Variants in TGM6 observed in about 807,000 individuals in gnomAD.
TGM6 encodes the protein protein-glutamine gamma-glutamyltransferase 6.
Under a neutral mutation model 77.5 loss-of-function variants are expected in TGM6, and 74 were observed. That is an observed-to-expected ratio of 0.96 (90% CI 0.79 to 1.16). The LOEUF is 1.16. TGM6 is among the 50% of genes most tolerant of loss of function. The probability of loss-of-function intolerance (pLI) is 0.00; values close to 1 mark genes in which losing one functional copy is unlikely to be tolerated. For missense variants in TGM6, 968 were observed against 940.2 expected (o/e 1.03, Z -0.39); for synonymous variants, 383 against 378.9 (o/e 1.01, Z -0.12).
chr20:2,400,330 C>A lies in TGM6; in HGVS notation c.875C>A (p.Thr292Lys). 1 of 1,614,220 alleles carries A rather than the reference C, an allele frequency of 6.2e-7. No individual in the cohort carries two copies. The highest frequency in any genetic ancestry group is 8.5e-7 in the Non-Finnish European group (1 of 1,180,046). ...CTVLRCLGIATRVVSNFNSAH... is the reference protein window; with the variant it reads ...CTVLRCLGIAKRVVSNFNSAH... ...GTCCTCAGGTGCTTGGGGATAGCCA[C>A]ACGGGTCGTGTCCAACTTCAACTCA... Residue 292 changes from threonine (T) to lysine (K), a missense_variant, in exon 7 of 13, where the codon ACA becomes AAA. Thr to Lys is a moderately conservative substitution (Grantham distance 78). Coordinates refer to ENST00000202625, the MANE Select transcript of TGM6 (RefSeq NM_198994.3).
intron 5 of TGM6, among the ~76,000 whole-genome samples, chr20:2,398,900 G>A (rs1054180118): frequency 4.6e-5 from 7 of 152,100 alleles, no homozygotes; most frequent in Non-Finnish European, 8.8e-5. Context: ...ATTGCACAAA[G>A]CTATATTTCT....
chr20:2,413,156 A>G (rs2084794802), intron 9 of TGM6, among the ~76,000 whole-genome samples: 1 of 152,224 alleles, frequency 6.6e-6, no homozygotes, highest in Non-Finnish European at 1.5e-5. Context: ...TATGTCTGTG[A>G]TCCCAGCACT....
At chr20:2,427,333 C>A (rs2084894500) in intron 10 of TGM6, among the ~76,000 whole-genome samples, 1 of 152,104 alleles carries the variant, frequency 6.6e-6, no homozygotes, top group Non-Finnish European at 1.5e-5. Context: ...CCTAACTCCC[C>A]AAACTTGTTA....
intron 10 of TGM6, 121 bp from the exon 11 acceptor site, chr20:2,430,325 C>G (rs2084915863): frequency 7.4e-7 from 1 of 1,343,794 alleles, no homozygotes. Flanking sequence ...TAAAGCCTGT[C>G]TCAGAATGGT....
intron 5 of TGM6, 103 bp downstream of exon 5, chr20:2,398,149 C>A: frequency 6.3e-7 from 1 of 1,592,096 alleles, no homozygotes; most frequent in Admixed American, 1.7e-5. Context: ...TGTTTTAATT[C>A]GCTGTTGTTG....
chr20:2,398,358 G>A (rs2084683261), intron 5 of TGM6, among the ~76,000 whole-genome samples: 1 of 152,178 alleles, frequency 6.6e-6, no homozygotes, highest in Admixed American at 6.5e-5. Context: ...GGTTCTGGTG[G>A]TTGGCAGTTC....
chr20:2,416,919 C>T (rs1327635008), intron 9 of TGM6, among the ~76,000 whole-genome samples: 1 of 152,030 alleles, frequency 6.6e-6, no homozygotes, highest in Non-Finnish European at 1.5e-5. Flanking sequence ...GATGATAATA[C>T]CTCTGTAGTA....
chr20:2,422,348 C>G (rs2084862202), intron 10 of TGM6, among the ~76,000 whole-genome samples: 1 of 152,116 alleles, frequency 6.6e-6, no homozygotes, highest in African/African-American at 2.4e-5. Flanking sequence ...ATTGTATTTC[C>G]TTTGCTACTT....
Position 2,397,995 on chromosome 20 carries a change from C to T in TGM6, c.621C>T (p.Asp207=), listed in dbSNP as rs148696208. 39 of 1,614,158 alleles carry T rather than the reference C, an allele frequency of 2.4e-5. No individual in the cohort carries two copies. The highest frequency in any genetic ancestry group is 2.8e-5 in the Non-Finnish European group (33 of 1,180,032). ...SPGHQNNPAT[D]VSCRHNPIYV... The stretch of plus-strand genomic sequence containing the variant: ...GTCACCAAAACAACCCAGCCACCGA[C>T]GTGTCCTGCCGCCACAACCCCATCT... The change falls in exon 5 of 13, where the codon GAC becomes GAT. Residue 207 remains aspartate (D), a synonymous_variant. Coordinates refer to ENST00000202625, the MANE Select transcript of TGM6 (RefSeq NM_198994.3).
chr20:2,398,570 C>T (rs2084684883), intron 5 of TGM6, among the ~76,000 whole-genome samples: 1 of 152,172 alleles, frequency 6.6e-6, no homozygotes, highest in African/African-American at 2.4e-5. Flanking sequence ...TCCCCACCCC[C>T]ACCTCCCTGC....
intron 1 of TGM6, among the ~76,000 whole-genome samples, chr20:2,392,714 C>A (rs2084636966): frequency 6.6e-6 from 1 of 152,160 alleles, no homozygotes; most frequent in Non-Finnish European, 1.5e-5. Context: ...GAGTTTGGGG[C>A]AACATGGCGA....
intron 9 of TGM6, among the ~76,000 whole-genome samples, chr20:2,408,395 C>T (rs559018379): frequency 6.6e-6 from 1 of 152,284 alleles, no homozygotes; most frequent in African/African-American, 2.4e-5. Flanking sequence ...GGCCAGGGGT[C>T]TCAGCACCCT....
chr20:2,406,831 CAAAAA>C (rs3050731), intron 9 of TGM6, among the ~76,000 whole-genome samples: 1,393 of 63,682 alleles, frequency 0.022, 22 homozygotes, highest in Non-Finnish European at 0.033. Context: ...CGAAACTCCT[CAAAAA>C]AAAAAAAAAA....
chr20:2,412,223 G>A (rs1429958651), intron 9 of TGM6, among the ~76,000 whole-genome samples: 3 of 152,296 alleles, frequency 2.0e-5, no homozygotes, highest in Non-Finnish European at 2.9e-5. Context: ...AGTGAAATAA[G>A]CCAGACATAA....
intron 12 of TGM6, 100 bp downstream of exon 12, chr20:2,431,127 G>A (rs1475632111): frequency 6.6e-7 from 1 of 1,506,624 alleles, no homozygotes; most frequent in African/African-American, 1.4e-5. Context: ...AGAGATTCTG[G>A]ACACCCCAGG....
Position 2,394,597 on chromosome 20 carries a change from G to A in TGM6, c.153G>A (p.Glu51=), listed in dbSNP as rs2122345678. ...AGCTGAGCAGAGCCCTGGACTGTGA[G>A]GAGATCCTCATCTTCACGATGGAGA... is the stretch of plus-strand genomic sequence containing the variant. ...TLELSRALDC[E]EILIFTMETG... is the part of the protein sequence containing the mutation. Residue 51 remains glutamate, a synonymous_variant, in exon 2 of 13, where the codon GAG becomes GAA. Transcript: ENST00000202625. The A allele has an allele frequency of 6.2e-7, 1 of 1,612,032 alleles. No homozygotes were observed. Among genetic ancestry groups the A allele is most frequent in the Non-Finnish European group, 8.5e-7 (1 of 1,179,620 alleles).
chr20:2,408,856 C>T (rs947007335), intron 9 of TGM6, among the ~76,000 whole-genome samples: 2 of 151,780 alleles, frequency 1.3e-5, no homozygotes, highest in African/African-American at 2.4e-5. Context: ...TAAAAGTAAA[C>T]AAATAAGTAA....
At position 2,397,923 on chromosome 20, in the gene TGM6, G is replaced by A. The variant is rs778386575; in HGVS notation, c.549G>A (p.Glu183=). ...RAQGWNYGQF[E]EDILNICLSI... ...ACAGCCTCTCTGGGGAGCAGTTTGA[G>A]GAGGACATCCTGAACATCTGCCTCT... is the stretch of plus-strand genomic sequence containing the variant. The change falls in exon 5 of 13, where the codon GAG becomes GAA. Residue 183 remains glutamate (E), a synonymous_variant. Coordinates refer to ENST00000202625, the MANE Select transcript of TGM6 (RefSeq NM_198994.3). 1.9e-6 allele frequency: 3 copies of A among 1,613,982 alleles called. No individual in the cohort carries two copies. The South Asian group carries it at 3.3e-5, about 18-fold the overall frequency.
At position 2,430,697 on chromosome 20, in the gene TGM6, C is replaced by G. The variant is rs567962456; in HGVS notation, c.1833+97C>G. 9.0e-4 allele frequency: 1,445 copies of G among 1,601,622 alleles called. 8 individuals are homozygous for G. Among genetic ancestry groups the G allele is most frequent in the South Asian group, 7.6e-3 (685 of 90,384 alleles). ...AAGCTGGGGGGGTTTGTGCCTTTAA[C>G]TCCAGCTTTAGCTCTCCAGGGTGGG... On this transcript the variant is annotated intron_variant, in intron 11 of 12. Transcript: ENST00000202625.
Sources: allele counts gnomAD v4.1 joint callset (sites outside exome capture counted in the v4.1 genomes callset), GRCh38; gene constraint gnomAD v4.1.1; transcripts MANE v1.5; gene names NCBI Gene and HGNC (gene_info 2026-07-23, HGNC 2026-07-21).